The following GAD1 variants were observed in gnomAD, a reference collection of about 807,000 sequenced individuals.
The protein encoded by GAD1 is glutamate decarboxylase 1, also known as 67 kDa glutamic acid decarboxylase.
A neutral mutation model predicts 75.2 loss-of-function variants in GAD1; 35 were observed. That is an observed-to-expected ratio of 0.47 (90% CI 0.36 to 0.62). GAD1 has a LOEUF of 0.62. GAD1 is among the 20% of genes least tolerant of loss of function. The pLI, the probability that GAD1 is intolerant of heterozygous loss-of-function variation, is 0.00. For missense variants in GAD1, 490 were observed against 758.5 expected (o/e 0.65, Z 4.16); for synonymous variants, 257 against 271.9 (o/e 0.95, Z 0.54).
At chr2:170,824,588 C>T (rs931881856) in intron 3 of GAD1, among the ~76,000 whole-genome samples, 1 of 152,072 alleles carries the variant, frequency 6.6e-6, no homozygotes, top group African/African-American at 2.4e-5. Flanking sequence ...CAGTGCCTTG[C>T]CAAAATTCAA....
chr2:170,845,684 C>T, intron 8 of GAD1, 22 bp from the exon 9 acceptor site: 1 of 1,613,834 alleles, frequency 6.2e-7, no homozygotes, highest in Non-Finnish European at 8.5e-7. Flanking sequence ...AACTTCTAAC[C>T]TCGAGCCTCT....
chr2:170,839,156 A>T (rs1702443343), intron 6 of GAD1, among the ~76,000 whole-genome samples: 1 of 152,200 alleles, frequency 6.6e-6, no homozygotes, highest in Non-Finnish European at 1.5e-5. Context: ...GCAGTGCAGG[A>T]TTTATTTAGT....
chr2:170,849,297 A>G lies in GAD1; in HGVS notation c.1131A>G (p.Gly377=), dbSNP rs769346839. Reference sequence around the variant, plus strand: ...CTCTGTCCCCACAGGCTGCCTGGGGAGGTGGGCTGCTCATGTCCAGGAAGC... The same window carrying G: ...CTCTGTCCCCACAGGCTGCCTGGGGGGGTGGGCTGCTCATGTCCAGGAAGC... ...NLWLHVDAAW[G]GGLLMSRKHR... The change falls in exon 12 of 17, where the codon GGA becomes GGG. Residue 377 remains glycine, a synonymous_variant. Transcript: ENST00000358196. 1 of 1,613,912 alleles carries G rather than the reference A, an allele frequency of 6.2e-7. No individual in the cohort carries two copies. Among genetic ancestry groups the G allele is most frequent in the East Asian group, 2.2e-5 (1 of 44,868 alleles).
In GAD1 at chr2:170,855,106, ACACT is replaced by A. The variant is rs756711698; in HGVS notation, c.1413+1087_1413+1090del. On this transcript the variant is annotated intron_variant, in intron 14 of 16. Transcript: ENST00000358196. ...AAGATTGAGTCTAACTGTCTAACTA[ACACT>A]CAAACAACAAGATTTTCTGGCAAAA... Among the ~76,000 whole-genome samples the A allele has an allele frequency of 3.0e-4, 46 of 151,600 alleles. 1 individual carries two copies. The highest frequency in any genetic ancestry group is 2.1e-4 in the South Asian group (1 of 4,828).
intron 3 of GAD1, among the ~76,000 whole-genome samples, chr2:170,823,207 A>T (rs959952549): frequency 2.0e-5 from 3 of 152,114 alleles, no homozygotes; most frequent in Non-Finnish European, 4.4e-5. Context: ...CGCGCGGGAG[A>T]TAGCGGCAGA....
chr2:170,848,961 G>T, intron 11 of GAD1: 1 of 437,616 alleles, frequency 2.3e-6, no homozygotes, highest in Non-Finnish European at 4.3e-6. Context: ...CCCGGAGGGG[G>T]ACTCACTGTG....
chr2:170,859,948 T>C lies in GAD1; in HGVS notation c.*66T>C, dbSNP rs1309613107. Reference sequence around the variant, plus strand: ...CCTCTGGCACTCCAGAACAAACCTCTATATGTTGCTGAAACACACAGGCCA... The same window carrying C: ...CCTCTGGCACTCCAGAACAAACCTCCATATGTTGCTGAAACACACAGGCCA... On this transcript the variant is annotated 3_prime_UTR_variant, in exon 17 of 17. Transcript: ENST00000358196. 1.4e-6 allele frequency: 2 copies of C among 1,445,146 alleles called. No homozygotes were observed. Among genetic ancestry groups the C allele is most frequent in the East Asian group, 2.3e-5 (1 of 43,422 alleles). The allele number at this position is 1,445,146 out of a possible 1,614,324, so 89.5% of individuals were successfully genotyped here. A position where few individuals can be genotyped will look rare whatever the true frequency, so the allele number is the denominator to read the frequency against.
intron 6 of GAD1, among the ~76,000 whole-genome samples, chr2:170,843,407 A>T (rs1340206090): frequency 6.6e-6 from 1 of 152,208 alleles, no homozygotes; most frequent in African/African-American, 2.4e-5. Flanking sequence ...ATTATTCTTG[A>T]CAGATATTGA....
chr2:170,821,293 G>A (rs1271118211), intron 2 of GAD1, among the ~76,000 whole-genome samples: 1 of 152,178 alleles, frequency 6.6e-6, no homozygotes, highest in African/African-American at 2.4e-5. Flanking sequence ...TAGACCTTGA[G>A]GGGTTTGAGA....
chr2:170,820,142 A>G (rs1218898170), intron 2 of GAD1, among the ~76,000 whole-genome samples: 2 of 151,494 alleles, frequency 1.3e-5, no homozygotes, highest in Non-Finnish European at 2.9e-5. Context: ...GACGCTTTCC[A>G]CATTTCCCGC....
intron 6 of GAD1, 81 bp downstream of exon 6, chr2:170,836,964 C>G: frequency 1.0e-6 from 1 of 966,130 alleles, no homozygotes; most frequent in Non-Finnish European, 1.6e-6. Context: ...CCCAGTGGTT[C>G]TATTTTATTA....
chr2:170,858,211 TAGCA>T (rs1702894584), intron 15 of GAD1, among the ~76,000 whole-genome samples: 1 of 152,102 alleles, frequency 6.6e-6, no homozygotes, highest in Non-Finnish European at 1.5e-5. Flanking sequence ...GAAAACTTTA[TAGCA>T]AGAATAGGGA....
At position 170,844,106 on chromosome 2, in the gene GAD1, A is replaced by G. The variant is rs756964109; in HGVS notation, c.700A>G (p.Arg234Gly). The change falls in exon 7 of 17, where the codon AGA (arginine) becomes GGA (glycine). Residue 234 changes from arginine to glycine, a missense_variant. By Grantham distance (125) the Arg-to-Gly change is moderately radical (BLOSUM62 -2). This residue lies in a region of GAD1 where 324 missense variants were observed against 523.9 expected (regional missense o/e 0.62). Transcript: ENST00000358196. ...GGAACAAATAACACTTAAGAAGATG[A>G]GAGAGATAGTTGGATGGTCAAGTAA... Reference protein sequence around the residue: ...LMEQITLKKMREIVGWSSKDG... With the variant: ...LMEQITLKKMGEIVGWSSKDG... The G allele has an allele frequency of 3.1e-6, 5 of 1,611,352 alleles. No homozygotes were observed. In the South Asian group the frequency reaches 5.5e-5, roughly 18 times the overall value.
At chr2:170,825,894 G>C (rs146266420) in intron 3 of GAD1, among the ~76,000 whole-genome samples, 1 of 151,890 alleles carries the variant, frequency 6.6e-6, no homozygotes, top group Non-Finnish European at 1.5e-5. Context: ...AGTACACTCG[G>C]CTTCATTCTC....
At chr2:170,849,214 G>C in intron 11 of GAD1, 72 bp from the exon 12 acceptor site, 2 of 1,311,258 alleles carry the variant, frequency 1.5e-6, no homozygotes, top group South Asian at 2.4e-5. Context: ...TTTAGTAGAA[G>C]TGAGGACTGA....
At chr2:170,813,599 C>CCA (rs1701647602), upstream of GAD1, among the ~76,000 whole-genome samples, 3 of 152,284 alleles carry the variant, frequency 2.0e-5, no homozygotes, top group African/African-American at 7.2e-5. Context: ...CTTGACTGAC[C>CCA]ACGTTTTAGG....
chr2:170,857,318 G>C (rs1702873554), intron 15 of GAD1, among the ~76,000 whole-genome samples, 193 bp downstream of exon 15: 1 of 152,046 alleles, frequency 6.6e-6, no homozygotes, highest in South Asian at 2.1e-4. Context: ...TGGTAGCACT[G>C]GGATGACTTT....
At chr2:170,856,986 A>C in intron 14 of GAD1, 32 bp from the exon 15 acceptor site, 1 of 1,566,664 alleles carries the variant, frequency 6.4e-7, no homozygotes, top group Non-Finnish European at 8.8e-7. Flanking sequence ...AGGGAAATGC[A>C]ACCACAAACA....
intron 3 of GAD1, among the ~76,000 whole-genome samples, chr2:170,826,817 C>T (rs918128082): frequency 2.6e-5 from 4 of 152,128 alleles, no homozygotes; most frequent in Admixed American, 2.0e-4. Flanking sequence ...TCTTTCAAGT[C>T]TGGCAAATTC....
Sources: allele counts gnomAD v4.1 joint callset (sites outside exome capture counted in the v4.1 genomes callset), GRCh38; gene constraint gnomAD v4.1.1; regional missense constraint gnomAD v4.1.1; transcripts MANE v1.5; gene names NCBI Gene and HGNC (gene_info 2026-07-23, HGNC 2026-07-21).